STPG2: variants seen among roughly 807,000 people sequenced by gnomAD.
The protein encoded by STPG2 is sperm tail PG-rich repeat containing 2.
Under a neutral mutation model 54.2 loss-of-function variants are expected in STPG2, and 56 were observed. That is an observed-to-expected ratio of 1.03 (90% CI 0.83 to 1.29). The LOEUF (loss-of-function observed/expected upper bound fraction) is 1.29. Ranked by LOEUF, STPG2 falls within the 50% of genes most tolerant of loss-of-function variation. The pLI is 0.00. For synonymous variants in STPG2, 200 were observed against 181.8 expected (o/e 1.10, Z -0.81); for missense variants, 596 against 544.9 (o/e 1.09, Z -0.93).
At chr4:97,938,233 C>T (rs1488577979) in intron 8 of STPG2, among the ~76,000 whole-genome samples, 3 of 152,188 alleles carry the variant, frequency 2.0e-5, no homozygotes, top group African/African-American at 7.2e-5. Flanking sequence ...TCCAGTCTCC[C>T]TGGCACCAGC....
chr4:97,940,505 C>T (rs1206010903), intron 8 of STPG2, among the ~76,000 whole-genome samples: 2 of 151,896 alleles, frequency 1.3e-5, no homozygotes, highest in Non-Finnish European at 2.9e-5. Context: ...CCTTTTTGTT[C>T]TTTTTTCTCT....
At chr4:98,020,066 T>G (rs1237270352) in intron 5 of STPG2, among the ~76,000 whole-genome samples, 1 of 120,500 alleles carries the variant, frequency 8.3e-6, no homozygotes, top group South Asian at 2.9e-4. Context: ...TGAATAGGAG[T>G]GGTGAGAGAG....
chr4:97,621,069 TC>T (rs1358288476), intron 10 of STPG2, among the ~76,000 whole-genome samples: 1 of 151,948 alleles, frequency 6.6e-6, no homozygotes, highest in Non-Finnish European at 1.5e-5. Context: ...AAGACAGAAA[TC>T]CAGAAACTCT....
intron 10 of STPG2, among the ~76,000 whole-genome samples, chr4:97,561,016 G>T (rs192865573): frequency 0.016 from 2,441 of 152,228 alleles, 50 homozygotes; most frequent in African/African-American, 0.056. Flanking sequence ...GATCCCTGAG[G>T]AGTCGCCACA....
intron 3 of STPG2, among the ~76,000 whole-genome samples, chr4:98,113,687 T>TATC (rs1739424782): frequency 1.3e-5 from 2 of 151,760 alleles, no homozygotes; most frequent in Admixed American, 1.3e-4. Flanking sequence ...TTAATAGCAT[T>TATC]ATTATTATTA....
At chr4:97,736,207 A>T (rs543091877) in intron 9 of STPG2, among the ~76,000 whole-genome samples, 7 of 152,274 alleles carry the variant, frequency 4.6e-5, no homozygotes, top group Admixed American at 6.5e-5. Flanking sequence ...CAAAGAAAAT[A>T]AATTCAGAAA....
In STPG2 at chr4:97,654,811, C is replaced by A. The variant is rs187970952; in HGVS notation, c.1320+57888G>T. 4.6e-3 allele frequency among the ~76,000 whole-genome samples: 652 copies of A among 143,262 alleles called. 5 individuals are homozygous for A. Among genetic ancestry groups the A allele is most frequent in the African/African-American group, 0.019 (614 of 33,178 alleles). 94.0% of individuals were successfully genotyped at this position (143,262 alleles called of 152,430 possible). A position where few individuals can be genotyped will look rare whatever the true frequency, so the allele number is the denominator to read the frequency against. ...TGTTGTTTACAATAGTAAAAAAAAT[C>A]ATAAATAACAATAATCAAATGATGT... On this transcript the variant is annotated intron_variant, in intron 10 of 10. Coordinates refer to ENST00000295268, the MANE Select transcript of STPG2 (RefSeq NM_174952.3).
intron 8 of STPG2, among the ~76,000 whole-genome samples, chr4:97,864,127 G>A (rs575395074): frequency 6.6e-6 from 1 of 152,076 alleles, no homozygotes; most frequent in Non-Finnish European, 1.5e-5. Flanking sequence ...GAAATAAAGG[G>A]TATTCAATTA....
At chr4:97,691,850 A>G (rs1480756100) in intron 10 of STPG2, among the ~76,000 whole-genome samples, 1 of 152,142 alleles carries the variant, frequency 6.6e-6, no homozygotes, top group African/African-American at 2.4e-5. Context: ...ACAGACGTGA[A>G]GACGAATCAT....
chr4:97,820,522 C>A (rs983877277), intron 9 of STPG2, among the ~76,000 whole-genome samples: 1 of 152,156 alleles, frequency 6.6e-6, no homozygotes, highest in South Asian at 2.1e-4. Flanking sequence ...TAGAAAAGTT[C>A]TTGAAGAAAA....
At chr4:97,976,772 G>T (rs17027090) in intron 6 of STPG2, among the ~76,000 whole-genome samples, 59,234 of 151,780 alleles carry the variant, frequency 0.39, 11,673 homozygotes, top group Middle Eastern at 0.46. Flanking sequence ...ACGTTTTAGA[G>T]GTCATTCTTA....
At chr4:97,855,043 G>A (rs185706724) in intron 8 of STPG2, among the ~76,000 whole-genome samples, 5 of 152,164 alleles carry the variant, frequency 3.3e-5, no homozygotes, top group Admixed American at 3.3e-4. Flanking sequence ...GAATATAATG[G>A]CTTCCAACTC....
At chr4:98,028,326 T>G (rs1736493727) in intron 5 of STPG2, among the ~76,000 whole-genome samples, 1 of 152,206 alleles carries the variant, frequency 6.6e-6, no homozygotes, top group Non-Finnish European at 1.5e-5. Flanking sequence ...CACATTTTAC[T>G]ATAAGCAGAA....
intron 5 of STPG2, among the ~76,000 whole-genome samples, chr4:98,024,002 CCT>C (rs1736329644): frequency 6.6e-6 from 1 of 152,112 alleles, no homozygotes; most frequent in Non-Finnish European, 1.5e-5. Flanking sequence ...AATGCCTCAC[CCT>C]GCTTCGGCCT....
At chr4:97,849,342 T>G (rs912675084) in intron 8 of STPG2, among the ~76,000 whole-genome samples, 1 of 152,014 alleles carries the variant, frequency 6.6e-6, no homozygotes, top group Non-Finnish European at 1.5e-5. Flanking sequence ...GGCATTACCA[T>G]TCAGGACATA....
At chr4:97,695,764 A>AT (rs1723549879) in intron 10 of STPG2, among the ~76,000 whole-genome samples, 1 of 152,054 alleles carries the variant, frequency 6.6e-6, no homozygotes, top group South Asian at 2.1e-4. Context: ...AAAAAAAAAA[A>AT]AAGAAACTAC....
chr4:97,950,997 G>A lies in STPG2; in HGVS notation c.934-6990C>T, dbSNP rs1030455316. On this transcript the variant is annotated intron_variant, in intron 7 of 10. Transcript: ENST00000295268. Reference sequence around the variant, plus strand: ...TGTAAAACCTAAGGTCAGTGTTTGAGATATTTACAGACCCTGCACTTGATG... The same window carrying A: ...TGTAAAACCTAAGGTCAGTGTTTGAAATATTTACAGACCCTGCACTTGATG... 3.9e-5 allele frequency among the ~76,000 whole-genome samples: 6 copies of A among 152,256 alleles called. No individual in the cohort carries two copies. In the East Asian group the frequency reaches 7.7e-4, roughly 20 times the overall value.
intron 10 of STPG2, among the ~76,000 whole-genome samples, chr4:97,625,775 T>C (rs529690486): frequency 6.6e-6 from 1 of 152,338 alleles, no homozygotes; most frequent in East Asian, 1.9e-4. Flanking sequence ...TTCTTTCCTA[T>C]AGCTGGAGTG....
rs374094011 is a variant in STPG2, at chr4:97,462,992, TTTG to T, written c.462+249704_462+249706del. Among the ~76,000 whole-genome samples, 50 of 152,290 alleles carry T rather than the reference TTTG, an allele frequency of 3.3e-4. No individual in the cohort carries two copies. In the East Asian group the frequency reaches 5.4e-3, roughly 16 times the overall value. On this transcript the variant is annotated intron_variant, in intron 4 of 4. Transcript: ENST00000522676. ...CTGATTATATATTTCTTTCTATTCA[TTTG>T]TTAAGTCATTTACAATAAATGAGCA... is the stretch of plus-strand genomic sequence containing the variant.
Sources: gnomAD v4.1 joint callset for allele counts (sites outside exome capture counted in the v4.1 genomes callset) on GRCh38, gnomAD v4.1.1 for gene constraint, MANE v1.5 for transcripts, NCBI Gene and HGNC (gene_info 2026-07-23, HGNC 2026-07-21) for gene names.